Variants in TTC12 observed in about 807,000 individuals in gnomAD.
TTC12 encodes the protein tetratricopeptide repeat protein 12.
Under a neutral mutation model 90.1 loss-of-function variants are expected in TTC12, and 70 were observed. That is an observed-to-expected ratio of 0.78 (90% CI 0.64 to 0.95). The LOEUF (loss-of-function observed/expected upper bound fraction) is 0.95, where lower values mean the gene tolerates loss of function less well. Among genes scored for constraint, TTC12 ranks in the 40% least tolerant of loss-of-function variants. The pLI is 0.00. For missense variants in TTC12, 819 were observed against 846.1 expected (o/e 0.97, Z 0.40); for synonymous variants, 296 against 311.5 (o/e 0.95, Z 0.53).
At chr11:113,321,266 A>C (rs1226270041) in intron 2 of TTC12, among the ~76,000 whole-genome samples, 9 of 152,210 alleles carry the variant, frequency 5.9e-5, no homozygotes, top group African/African-American at 2.2e-4. Flanking sequence ...ATGTAGAAGA[A>C]TGGGAACTTC....
At chr11:113,353,018 C>T (rs1165258270) in intron 16 of TTC12, among the ~76,000 whole-genome samples, 1 of 152,270 alleles carries the variant, frequency 6.6e-6, no homozygotes, top group Admixed American at 6.5e-5. Flanking sequence ...AATGGTATCT[C>T]TGTTTTAGGT....
chr11:113,370,292 T>G (rs1348473801), downstream of TTC12, among the ~76,000 whole-genome samples: 1 of 152,226 alleles, frequency 6.6e-6, no homozygotes, highest in African/African-American at 2.4e-5. Flanking sequence ...TTGCAATGAC[T>G]GTAGCTCCAA....
At chr11:113,341,187 G>A (rs113910196) in intron 11 of TTC12, among the ~76,000 whole-genome samples, 9 of 152,148 alleles carry the variant, frequency 5.9e-5, no homozygotes, top group Non-Finnish European at 5.9e-5. Flanking sequence ...CCGAGATCAC[G>A]CCACTGTACT....
At chr11:113,326,872 A>C (rs907799583) in intron 6 of TTC12, among the ~76,000 whole-genome samples, 1 of 152,208 alleles carries the variant, frequency 6.6e-6, no homozygotes, top group East Asian at 1.9e-4. Context: ...TGTTCAATAA[A>C]TCCTTTTTTA....
At chr11:113,366,096 C>G in intron 21 of TTC12, 129 bp from the exon 22 acceptor site, 1 of 978,816 alleles carries the variant, frequency 1.0e-6, no homozygotes, top group Non-Finnish European at 1.6e-6. Flanking sequence ...ACAGCCACTT[C>G]CTGTTTCCAC....
chr11:113,328,440 T>C (rs1947826310), intron 6 of TTC12, among the ~76,000 whole-genome samples: 1 of 152,190 alleles, frequency 6.6e-6, no homozygotes, highest in Non-Finnish European at 1.5e-5. Flanking sequence ...TCTGAGTCAA[T>C]TCTTGATTTT....
chr11:113,324,341 A>G (rs1339449737), intron 4 of TTC12: 7 of 541,856 alleles, frequency 1.3e-5, no homozygotes, highest in African/African-American at 1.2e-4. Flanking sequence ...ATCTCTCTTC[A>G]AAGAAAAACT....
At chr11:113,320,997 G>A (rs1947288536) in intron 2 of TTC12, among the ~76,000 whole-genome samples, 1 of 151,692 alleles carries the variant, frequency 6.6e-6, no homozygotes, top group Non-Finnish European at 1.5e-5. Context: ...GGACAACATA[G>A]CAAGACCATC....
intron 6 of TTC12, among the ~76,000 whole-genome samples, chr11:113,326,703 C>A (rs1361143738): frequency 2.6e-5 from 4 of 152,148 alleles, no homozygotes; most frequent in Non-Finnish European, 5.9e-5. Flanking sequence ...TTTAAACTAT[C>A]CCAATTTTGG....
At chr11:113,362,362 GA>G (rs1949984519) in intron 18 of TTC12, 38 bp from the exon 19 acceptor site, 1 of 1,493,488 alleles carries the variant, frequency 6.7e-7, no homozygotes, top group African/African-American at 1.4e-5. Flanking sequence ...CAGCATTTCT[GA>G]AAAGGACATT....
intron 20 of TTC12, chr11:113,364,345 G>A: frequency 4.6e-6 from 1 of 215,686 alleles, no homozygotes; most frequent in Non-Finnish European, 9.4e-6. Flanking sequence ...CCCAGGAGAG[G>A]CAGCCTGCTA....
downstream of TTC12, among the ~76,000 whole-genome samples, chr11:113,370,972 C>A (rs1215941610): frequency 2.0e-5 from 3 of 152,134 alleles, no homozygotes; most frequent in Non-Finnish European, 4.4e-5. Context: ...ACACACACCC[C>A]CACACACACG....
intron 7 of TTC12, among the ~76,000 whole-genome samples, chr11:113,333,402 A>T (rs1446884815): frequency 6.6e-6 from 1 of 152,066 alleles, no homozygotes; most frequent in Non-Finnish European, 1.5e-5. Context: ...ATTTTAGAGA[A>T]TATTTTCTTC....
At chr11:113,316,183 C>A in intron 1 of TTC12, 60 bp from the exon 2 acceptor site, 1 of 805,760 alleles carries the variant, frequency 1.2e-6, no homozygotes, top group Non-Finnish European at 1.8e-6. Context: ...GCTAATAAGC[C>A]TGACCGTTCT....
intron 19 of TTC12, among the ~76,000 whole-genome samples, 194 bp from the exon 20 acceptor site, chr11:113,363,634 T>A (rs527338886): frequency 2.6e-5 from 4 of 152,260 alleles, no homozygotes; most frequent in Admixed American, 2.6e-4. Flanking sequence ...TGGGCTGGGT[T>A]AGAGAGGATG....
At chr11:113,317,794 C>T (rs1407292788) in intron 2 of TTC12, among the ~76,000 whole-genome samples, 2 of 142,428 alleles carry the variant, frequency 1.4e-5, no homozygotes, top group Non-Finnish European at 3.2e-5. Context: ...CCCACTGCCT[C>T]TTCATCTTTT....
chr11:113,364,455 C>T, intron 20 of TTC12: 1 of 292,102 alleles, frequency 3.4e-6, no homozygotes, highest in Non-Finnish European at 6.7e-6. Flanking sequence ...GTTGCATACC[C>T]TGCAGGTGTA....
At chr11:113,363,687 G>A (rs1262628090) in intron 19 of TTC12, 141 bp from the exon 20 acceptor site, 5 of 621,220 alleles carry the variant, frequency 8.0e-6, no homozygotes, top group South Asian at 7.8e-5. Flanking sequence ...CTGCCCACCA[G>A]GAAGCACATG....
intron 21 of TTC12, chr11:113,365,371 A>C: frequency 3.2e-6 from 1 of 308,364 alleles, no homozygotes; most frequent in African/African-American, 2.1e-5. Flanking sequence ...CTGTCTCTTT[A>C]TCCTCCTTCT....
Sources: gnomAD v4.1 joint callset for allele counts (sites outside exome capture counted in the v4.1 genomes callset) on GRCh38, gnomAD v4.1.1 for gene constraint, MANE v1.5 for transcripts, NCBI Gene and HGNC (gene_info 2026-07-23, HGNC 2026-07-21) for gene names.